Variants in PAK1IP1 observed in about 807,000 individuals in gnomAD.
The protein encoded by PAK1IP1 is PAK1 interacting protein 1.
In PAK1IP1, 24 loss-of-function variants were observed where a neutral mutation model predicts 42.0. The observed-to-expected ratio is 0.57, with a 90% CI of 0.41 to 0.80. The LOEUF (loss-of-function observed/expected upper bound fraction) is 0.80. PAK1IP1 is among the 30% of genes least tolerant of loss of function. PAK1IP1 has a pLI of 0.00. For synonymous variants in PAK1IP1, 154 were observed against 156.7 expected, an observed-to-expected ratio of 0.98 and a Z score of 0.13; for missense variants, 411 against 467.9, an observed-to-expected ratio of 0.88 and a Z score of 1.12.
At chr6:10,705,996 C>T (rs1273247853) in intron 7 of PAK1IP1, among the ~76,000 whole-genome samples, 1 of 152,126 alleles carries the variant, frequency 6.6e-6, no homozygotes, top group Non-Finnish European at 1.5e-5. Flanking sequence ...AACAAGTATT[C>T]ATTGAGCATC....
chr6:10,702,843 G>C (rs1455097208), intron 4 of PAK1IP1, among the ~76,000 whole-genome samples: 1 of 151,576 alleles, frequency 6.6e-6, no homozygotes, highest in African/African-American at 2.4e-5. Context: ...TCCCTGCTCT[G>C]TCGCCCAGGC....
At chr6:10,695,199 A>C in intron 1 of PAK1IP1, 130 bp downstream of exon 1, 1 of 626,868 alleles carries the variant, frequency 1.6e-6, no homozygotes, top group Non-Finnish European at 2.8e-6. Flanking sequence ...AACCTAAGAG[A>C]CTTAAGAGAA....
rs1769798040 is a variant in PAK1IP1, at chr6:10,695,611, A to G, written c.84+542A>G. Among the ~76,000 whole-genome samples the G allele has an allele frequency of 2.6e-5, 4 of 152,184 alleles. No individual in the cohort carries two copies. The South Asian group carries it at 8.3e-4, about 32-fold the overall frequency. On this transcript the variant is annotated intron_variant, in intron 1 of 9. Coordinates refer to ENST00000379568, the MANE Select transcript of PAK1IP1 (RefSeq NM_017906.3). ...GGTGGAGGACTGAGGAGACGCATAG[A>G]TGGAGAGAAATTACAGCAGAATATG...
chr6:10,692,777 GC>G (rs553140207), upstream of PAK1IP1, among the ~76,000 whole-genome samples: 86 of 152,142 alleles, frequency 5.7e-4, no homozygotes, highest in African/African-American at 2.0e-3. Context: ...GCCTGCCTAG[GC>G]CTCGCAAAGT....
At chr6:10,698,475 T>C (rs1769926043) in intron 2 of PAK1IP1, among the ~76,000 whole-genome samples, 1 of 152,218 alleles carries the variant, frequency 6.6e-6, no homozygotes, top group Non-Finnish European at 1.5e-5. Flanking sequence ...TGACCACTGG[T>C]GTTCATAGGG....
At chr6:10,705,918 A>G (rs1360390930) in intron 7 of PAK1IP1, among the ~76,000 whole-genome samples, 1 of 152,202 alleles carries the variant, frequency 6.6e-6, no homozygotes, top group East Asian at 1.9e-4. Context: ...GGAAGTGAAT[A>G]TATTTTTCAA....
chr6:10,700,081 G>A (rs1769980725), intron 2 of PAK1IP1, among the ~76,000 whole-genome samples: 1 of 151,812 alleles, frequency 6.6e-6, no homozygotes, highest in Non-Finnish European at 1.5e-5. Context: ...GGGGGCGGGG[G>A]GGCTTCTCGC....
In PAK1IP1 at chr6:10,696,232, T is replaced by A. The variant is rs569625966; in HGVS notation, c.85-1092T>A. ...TACTAAATCTAAGCAATAGCCTAGA[T>A]AACCTACATTATGTGAATTTTAAAA... On this transcript the variant is annotated intron_variant, in intron 1 of 9. Transcript: ENST00000379568. Among the ~76,000 whole-genome samples the A allele has an allele frequency of 4.0e-4, 61 of 152,332 alleles. No homozygotes were observed. The South Asian group carries it at 6.0e-3, about 15-fold the overall frequency.
chr6:10,694,310 G>A (rs1243621202), upstream of PAK1IP1, among the ~76,000 whole-genome samples: 2 of 151,142 alleles, frequency 1.3e-5, no homozygotes, highest in Non-Finnish European at 2.9e-5. Context: ...CCCAGGAGGT[G>A]CCGCAACCTT....
intron 4 of PAK1IP1, 54 bp from the exon 5 acceptor site, chr6:10,703,351 G>T (rs372938626): frequency 1.1e-5 from 15 of 1,317,998 alleles, no homozygotes; most frequent in Non-Finnish European, 1.6e-5. Context: ...GTTCTTTTAC[G>T]CTTAGTAAAA....
intron 1 of PAK1IP1, 151 bp downstream of exon 1, chr6:10,695,220 T>A (rs932934447): frequency 1.2e-5 from 7 of 589,878 alleles, no homozygotes; most frequent in Non-Finnish European, 2.1e-5. Flanking sequence ...AAGCTAACCT[T>A]TTAAACCGTA....
chr6:10,694,889 G>A, upstream of PAK1IP1: 2 of 826,694 alleles, frequency 2.4e-6, no homozygotes, highest in South Asian at 1.6e-5. Context: ...CGCCGATGCA[G>A]AAAGGAGTCA....
chr6:10,702,955 C>T (rs1770080160), intron 4 of PAK1IP1, among the ~76,000 whole-genome samples: 1 of 152,072 alleles, frequency 6.6e-6, no homozygotes, highest in Non-Finnish European at 1.5e-5. Context: ...TACAGGCGCC[C>T]ACCACCACGC....
rs562230177 is a variant in PAK1IP1 at position 10,699,496 on chromosome 6, G to A, written c.247+2010G>A. Among the ~76,000 whole-genome samples the A allele has an allele frequency of 2.0e-5, 3 of 152,310 alleles. No individual in the cohort carries two copies. The South Asian group carries it at 6.2e-4, about 32-fold the overall frequency. The stretch of plus-strand genomic sequence containing the variant: ...TACTACAGTTCCCGGCTTGTGGTTT[G>A]GTTTTCCACACTGGTGGTCAAGGTA... On this transcript the variant is annotated intron_variant, in intron 2 of 9. Transcript: ENST00000379568.
At position 10,704,796 on chromosome 6, in the gene PAK1IP1, A is replaced by C; in HGVS notation, c.692A>C (p.Asp231Ala). 1 of 1,613,806 alleles carries C rather than the reference A, an allele frequency of 6.2e-7. No homozygotes were observed. Among genetic ancestry groups the C allele is most frequent in the Non-Finnish European group, 8.5e-7 (1 of 1,179,680 alleles). Reference sequence around the variant, plus strand: ...GATGAAGAAGTTATAAGGTTTTTTGACTGTGATTCACTAGTGTGCCTCTGC... The same window carrying C: ...GATGAAGAAGTTATAAGGTTTTTTGCCTGTGATTCACTAGTGTGCCTCTGC... ...AGDEEVIRFF[D>A]CDSLVCLCEF... The change falls in exon 7 of 10, where the codon GAC (aspartate) becomes GCC (alanine). Residue 231 changes from aspartate to alanine, a missense_variant. By Grantham distance (126) the Asp-to-Ala change is moderately radical (BLOSUM62 -2). Transcript: ENST00000379568.
At chr6:10,703,374 TCA>T in intron 4 of PAK1IP1, 29 bp from the exon 5 acceptor site, 1 of 1,564,822 alleles carries the variant, frequency 6.4e-7, no homozygotes, top group Non-Finnish European at 8.8e-7. Flanking sequence ...TAGTTGGTGA[TCA>T]CACCGTAAGT....
At chr6:10,705,018 C>A (rs1310910764) in intron 7 of PAK1IP1, among the ~76,000 whole-genome samples, 174 bp downstream of exon 7, 3 of 152,102 alleles carry the variant, frequency 2.0e-5, no homozygotes, top group Non-Finnish European at 4.4e-5. Flanking sequence ...ATGTTATCTT[C>A]CTGGCATTTA....
chr6:10,707,889 G>T (rs1770254532), intron 8 of PAK1IP1, among the ~76,000 whole-genome samples: 1 of 152,080 alleles, frequency 6.6e-6, no homozygotes, highest in Non-Finnish European at 1.5e-5. Context: ...TTGGAAAATT[G>T]AATTCCCTCC....
chr6:10,708,794 A>G (rs181594062), intron 8 of PAK1IP1, among the ~76,000 whole-genome samples, 159 bp from the exon 9 acceptor site: 13 of 152,202 alleles, frequency 8.5e-5, no homozygotes, highest in Non-Finnish European at 1.5e-4. Flanking sequence ...GGCTCTGTGA[A>G]TAACAGTCAA....
Sources: allele counts gnomAD v4.1 joint callset (sites outside exome capture counted in the v4.1 genomes callset), GRCh38; gene constraint gnomAD v4.1.1; transcripts MANE v1.5; gene names NCBI Gene and HGNC (gene_info 2026-07-23, HGNC 2026-07-21).